Variants in LINGO2 observed in about 807,000 individuals in gnomAD.
The protein encoded by LINGO2 is leucine rich repeat and Ig domain containing 2, also known as leucine-rich repeat and immunoglobulin-like domain-containing nogo receptor-interacting protein 2.
In LINGO2, 14 loss-of-function variants were observed where a neutral mutation model predicts 30.6. The ratio of observed to expected loss-of-function variants is 0.46; its 90% confidence interval spans 0.30 to 0.72. The LOEUF is 0.72. LINGO2 is among the 30% of genes least tolerant of loss of function. The pLI, the probability that LINGO2 is intolerant of heterozygous loss-of-function variation, is 0.07. For synonymous variants in LINGO2, 317 were observed against 288.5 expected (o/e 1.10, Z -1.00); for missense variants, 729 against 751.7 (o/e 0.97, Z 0.35).
intron 2 of LINGO2, among the ~76,000 whole-genome samples, chr9:28,468,401 T>C (rs1825394523): frequency 6.6e-6 from 1 of 152,182 alleles, no homozygotes; most frequent in Non-Finnish European, 1.5e-5. Flanking sequence ...AGTAGTATAG[T>C]TGGGATCTTA....
the LINGO2 span, among the ~76,000 whole-genome samples, chr9:29,206,230 G>T: frequency 1.3e-5 from 2 of 152,246 alleles, no homozygotes; most frequent in Non-Finnish European, 2.9e-5. Flanking sequence ...AGAGATTCAT[G>T]GGAGCATTTC....
At chr9:28,629,212 C>G (rs12338472) in intron 1 of LINGO2, among the ~76,000 whole-genome samples, 1 of 151,642 alleles carries the variant, frequency 6.6e-6, no homozygotes, top group Admixed American at 6.6e-5. Flanking sequence ...GGTGATGTGC[C>G]GCTCCTGCTC....
intron 4 of LINGO2, among the ~76,000 whole-genome samples, chr9:28,168,768 A>G (rs1187706875): frequency 2.0e-5 from 3 of 152,258 alleles, no homozygotes; most frequent in Non-Finnish European, 2.9e-5. Flanking sequence ...TCCTTGTAAC[A>G]CGCATGTATT....
intron 1 of LINGO2, among the ~76,000 whole-genome samples, chr9:28,576,950 G>A (rs1041727209): frequency 6.6e-6 from 1 of 152,126 alleles, no homozygotes; most frequent in Non-Finnish European, 1.5e-5. Context: ...TGCAAAAATT[G>A]TAACAGTGAG....
At chr9:28,727,847 T>C in the LINGO2 span, among the ~76,000 whole-genome samples, 1 of 151,854 alleles carries the variant, frequency 6.6e-6, no homozygotes, top group Non-Finnish European at 1.5e-5. Flanking sequence ...TAGAGAGAGA[T>C]TGGTTTGGCA....
At chr9:29,072,638 C>G in the LINGO2 span, among the ~76,000 whole-genome samples, 13 of 114,012 alleles carry the variant, frequency 1.1e-4, no homozygotes, top group African/African-American at 4.5e-4. Context: ...TATCAAGAGT[C>G]CTAAATAATT....
At chr9:28,087,533 G>C (rs1395456235) in intron 4 of LINGO2, among the ~76,000 whole-genome samples, 1 of 151,936 alleles carries the variant, frequency 6.6e-6, no homozygotes, top group Non-Finnish European at 1.5e-5. Flanking sequence ...CTGTGACTTA[G>C]GGTGAGATTC....
chr9:28,970,648 A>T, the LINGO2 span, among the ~76,000 whole-genome samples: 1 of 151,984 alleles, frequency 6.6e-6, no homozygotes, highest in South Asian at 2.1e-4. Flanking sequence ...ACTAGACCAG[A>T]CTCAGCTGAC....
At chr9:28,482,532 T>C (rs1184365124) in intron 1 of LINGO2, among the ~76,000 whole-genome samples, 1 of 152,166 alleles carries the variant, frequency 6.6e-6, no homozygotes, top group East Asian at 1.9e-4. Context: ...TAGCCCTTTG[T>C]CAGATGAGTA....
At chr9:28,108,637 A>C (rs1459291077) in intron 4 of LINGO2, among the ~76,000 whole-genome samples, 1 of 152,128 alleles carries the variant, frequency 6.6e-6, no homozygotes, top group Non-Finnish European at 1.5e-5. Context: ...AGGTTTGTTC[A>C]GAGTAAAAAA....
chr9:28,291,986 A>G (rs1007770128), intron 4 of LINGO2, among the ~76,000 whole-genome samples: 1 of 152,184 alleles, frequency 6.6e-6, no homozygotes, highest in Non-Finnish European at 1.5e-5. Flanking sequence ...GAAACAACCA[A>G]GGCAGAAGAC....
rs3064826 is a variant in LINGO2, at chr9:28,418,275, C to CTTTTTTTTT, written c.-278-45416_-278-45408dup. Among the ~76,000 whole-genome samples, 10 of 106,736 alleles carry CTTTTTTTTT rather than the reference C, an allele frequency of 9.4e-5. 1 individual carries two copies. The highest frequency in any genetic ancestry group is 9.1e-5 in the Non-Finnish European group (5 of 54,822). The allele number at this position is 106,736 out of a possible 152,430, so 70.0% of individuals were successfully genotyped here. ...TACTTATGTAATGTTAGGCCATGTA[C>CTTTTTTTTT]TTTTTTTTTTTTTTTTTTTTTGAGA... On this transcript the variant is annotated intron_variant, in intron 2 of 5. Transcript: ENST00000379992.
the LINGO2 span, among the ~76,000 whole-genome samples, chr9:29,032,254 T>C: frequency 6.6e-6 from 1 of 152,146 alleles, no homozygotes; most frequent in Non-Finnish European, 1.5e-5. Flanking sequence ...GAAAGTCAAG[T>C]GTTTATTTTT....
chr9:29,117,669 C>T, the LINGO2 span, among the ~76,000 whole-genome samples: 2 of 152,252 alleles, frequency 1.3e-5, no homozygotes, highest in South Asian at 4.2e-4. Context: ...AAAATGCTAT[C>T]AGCCAACATT....
intron 2 of LINGO2, among the ~76,000 whole-genome samples, chr9:28,377,450 T>A (rs1587572431): frequency 6.6e-6 from 1 of 152,182 alleles, no homozygotes; most frequent in South Asian, 2.1e-4. Flanking sequence ...CTTAACCTAC[T>A]GTTTATGTTA....
At chr9:29,024,358 C>G in the LINGO2 span, among the ~76,000 whole-genome samples, 1 of 152,034 alleles carries the variant, frequency 6.6e-6, no homozygotes, top group African/African-American at 2.4e-5. Flanking sequence ...AGGACTGTGT[C>G]TTATTCATCA....
intron 1 of LINGO2, among the ~76,000 whole-genome samples, chr9:28,569,098 T>C (rs1037686547): frequency 6.6e-6 from 1 of 152,106 alleles, no homozygotes; most frequent in African/African-American, 2.4e-5. Flanking sequence ...TCACCTCCCA[T>C]CTATTAGAAT....
intron 3 of LINGO2, among the ~76,000 whole-genome samples, chr9:28,310,572 G>C (rs11789717): frequency 0.35 from 52,778 of 151,972 alleles, 10,022 homozygotes; most frequent in Non-Finnish European, 0.43. Flanking sequence ...AGGACGCAGA[G>C]AGGAAACAGG....
the LINGO2 span, among the ~76,000 whole-genome samples, chr9:29,054,114 A>T: frequency 1.1e-3 from 172 of 152,270 alleles, 1 homozygote; most frequent in African/African-American, 3.6e-3. Flanking sequence ...ACACAGCTCA[A>T]ATTTAATGAG....
Sources: allele counts gnomAD v4.1 joint callset (sites outside exome capture counted in the v4.1 genomes callset), GRCh38; gene constraint gnomAD v4.1.1; transcripts MANE v1.5; gene names NCBI Gene and HGNC (gene_info 2026-07-23, HGNC 2026-07-21).